Variants in PLXDC2 observed in about 807,000 individuals in gnomAD.
PLXDC2 encodes the protein plexin domain-containing protein 2.
A neutral mutation model predicts 68.9 loss-of-function variants in PLXDC2; 40 were observed. The observed-to-expected ratio is 0.58, with a 90% confidence interval of 0.45 to 0.76. The LOEUF is 0.76. PLXDC2 is among the 30% of genes least tolerant of loss of function. The pLI, the probability that PLXDC2 is intolerant of heterozygous loss-of-function variation, is 0.00. For missense variants in PLXDC2, 644 were observed against 661.9 expected (o/e 0.97, Z 0.30); for synonymous variants, 243 against 234.2 (o/e 1.04, Z -0.34).
chr10:20,051,542 CTT>C (rs1254621325), intron 3 of PLXDC2, among the ~76,000 whole-genome samples: 1 of 150,872 alleles, frequency 6.6e-6, no homozygotes, highest in Non-Finnish European at 1.5e-5. Context: ...TTTTAATACT[CTT>C]TCTCTTAATT....
chr10:20,053,321 T>C (rs1835936319), intron 3 of PLXDC2, among the ~76,000 whole-genome samples: 1 of 152,136 alleles, frequency 6.6e-6, no homozygotes, highest in Non-Finnish European at 1.5e-5. Flanking sequence ...AACCTAAGTT[T>C]TGCAGTTGAC....
chr10:20,221,938 A>C (rs1027717235), intron 12 of PLXDC2, among the ~76,000 whole-genome samples: 6 of 152,158 alleles, frequency 3.9e-5, no homozygotes, highest in African/African-American at 1.4e-4. Flanking sequence ...CTGTTTTTTA[A>C]AATAAGTTTT....
chr10:19,850,435 T>C (rs1425600816), intron 1 of PLXDC2, among the ~76,000 whole-genome samples: 2 of 152,206 alleles, frequency 1.3e-5, no homozygotes, highest in African/African-American at 4.8e-5. Context: ...GAGTTGTTTA[T>C]AGACGATGTT....
At chr10:20,148,392 T>G (rs1036775129) in intron 6 of PLXDC2, among the ~76,000 whole-genome samples, 7 of 152,150 alleles carry the variant, frequency 4.6e-5, no homozygotes, top group African/African-American at 1.7e-4. Flanking sequence ...TGGCTGTGCT[T>G]TGGCTAATGT....
intron 1 of PLXDC2, among the ~76,000 whole-genome samples, chr10:19,973,555 A>G (rs555075066): frequency 2.0e-5 from 3 of 152,296 alleles, no homozygotes; most frequent in African/African-American, 7.2e-5. Flanking sequence ...CTGTAAGTAG[A>G]AACACACACA....
intron 12 of PLXDC2, among the ~76,000 whole-genome samples, chr10:20,224,012 T>C (rs1417376860): frequency 6.7e-6 from 1 of 148,920 alleles, no homozygotes; most frequent in African/African-American, 2.5e-5. Flanking sequence ...TCTCACTTTG[T>C]CCCCCAGGCT....
At chr10:20,138,273 G>T (rs1833958864) in intron 4 of PLXDC2, among the ~76,000 whole-genome samples, 1 of 152,108 alleles carries the variant, frequency 6.6e-6, no homozygotes, top group Non-Finnish European at 1.5e-5. Context: ...TGTTAAGTGA[G>T]GACTTATCGG....
At chr10:19,826,058 C>G (rs960527614) in intron 1 of PLXDC2, among the ~76,000 whole-genome samples, 1 of 152,046 alleles carries the variant, frequency 6.6e-6, no homozygotes, top group African/African-American at 2.4e-5. Context: ...GCAAAATATC[C>G]CAATGAAAAG....
intron 1 of PLXDC2, among the ~76,000 whole-genome samples, chr10:19,868,738 T>C (rs753974100): frequency 1.3e-5 from 2 of 152,210 alleles, no homozygotes; most frequent in Non-Finnish European, 2.9e-5. Context: ...GAAAACTGTT[T>C]TAGTGTATTT....
intron 4 of PLXDC2, among the ~76,000 whole-genome samples, chr10:20,125,348 G>A (rs1040181690): frequency 6.6e-6 from 1 of 152,152 alleles, no homozygotes; most frequent in Admixed American, 6.5e-5. Context: ...CCTGGTCCTA[G>A]CCGAGCAAAC....
intron 13 of PLXDC2, among the ~76,000 whole-genome samples, chr10:20,275,767 G>T (rs1272697703): frequency 1.3e-5 from 2 of 152,046 alleles, no homozygotes; most frequent in Non-Finnish European, 2.9e-5. Flanking sequence ...ACAAAAATTA[G>T]CTGGGCGTGG....
chr10:19,966,446 A>AAAAT (rs1241649225), intron 1 of PLXDC2, among the ~76,000 whole-genome samples: 1 of 62,808 alleles, frequency 1.6e-5, no homozygotes, highest in African/African-American at 6.6e-5. Context: ...ATATATATAA[A>AAAAT]ACATGTGTGT....
At chr10:20,169,248 A>G (rs1410745487) in intron 7 of PLXDC2, among the ~76,000 whole-genome samples, 7 of 152,176 alleles carry the variant, frequency 4.6e-5, no homozygotes, top group Non-Finnish European at 7.4e-5. Flanking sequence ...ATTGCTTTCC[A>G]TCAAGGTTGT....
intron 4 of PLXDC2, among the ~76,000 whole-genome samples, chr10:20,128,548 A>G (rs1264778523): frequency 6.6e-6 from 1 of 152,132 alleles, no homozygotes; most frequent in Non-Finnish European, 1.5e-5. Flanking sequence ...AATTTCAAGT[A>G]TGCAATGCAG....
rs1833243572 is a variant in PLXDC2 at position 20,089,206 on chromosome 10, G to C, written c.541+20967G>C. Reference sequence around the variant, plus strand: ...TGTGTGTGTGTGTGTGTGTGTGTGTGTGTGTGTGTTTAAATACAATGTAGA... The same window carrying C: ...TGTGTGTGTGTGTGTGTGTGTGTGTCTGTGTGTGTTTAAATACAATGTAGA... On this transcript the variant is annotated intron_variant, in intron 4 of 13. Transcript: ENST00000377252. Among the ~76,000 whole-genome samples, 5 of 129,052 alleles carry C rather than the reference G, an allele frequency of 3.9e-5. No homozygotes were observed. The South Asian group carries it at 7.0e-4, about 18-fold the overall frequency. The allele number at this position is 129,052 out of a possible 152,430, so 84.7% of individuals were successfully genotyped here. A position where few individuals can be genotyped will look rare whatever the true frequency, so the allele number is the denominator to read the frequency against.
chr10:19,911,889 T>A (rs1833277798), intron 1 of PLXDC2, among the ~76,000 whole-genome samples: 1 of 152,238 alleles, frequency 6.6e-6, no homozygotes, highest in East Asian at 1.9e-4. Flanking sequence ...CGATACATAT[T>A]TAAGAGTGTA....
chr10:20,030,182 A>C (rs1279808746), intron 2 of PLXDC2, among the ~76,000 whole-genome samples: 2 of 133,756 alleles, frequency 1.5e-5, no homozygotes, highest in African/African-American at 5.4e-5. Context: ...AGACAGCTCA[A>C]CGGCTCAGGA....
intron 1 of PLXDC2, among the ~76,000 whole-genome samples, chr10:19,950,157 C>T (rs1404098951): frequency 3.3e-5 from 5 of 152,114 alleles, no homozygotes; most frequent in African/African-American, 1.2e-4. Flanking sequence ...TACTAATTGT[C>T]CTAGTCTGAG....
chr10:20,235,081 G>A (rs1223214829), intron 12 of PLXDC2, among the ~76,000 whole-genome samples: 2 of 152,166 alleles, frequency 1.3e-5, no homozygotes, highest in African/African-American at 2.4e-5. Context: ...TTCAAATAGT[G>A]GCTGTGGATT....
Sources: gnomAD v4.1 joint callset for allele counts (sites outside exome capture counted in the v4.1 genomes callset) on GRCh38, gnomAD v4.1.1 for gene constraint, MANE v1.5 for transcripts, NCBI Gene and HGNC (gene_info 2026-07-23, HGNC 2026-07-21) for gene names.